Variants in ITGA9 observed in about 807,000 individuals in gnomAD.
ITGA9 encodes the protein integrin subunit alpha 9.
A neutral mutation model predicts 127.8 loss-of-function variants in ITGA9; 56 were observed. The ratio of observed to expected loss-of-function variants is 0.44; its 90% CI spans 0.35 to 0.55. ITGA9 has a LOEUF of 0.55. Among genes scored for constraint, ITGA9 ranks in the 20% least tolerant of loss-of-function variants. The probability of loss-of-function intolerance (pLI) is 0.00; values close to 1 mark genes in which losing one functional copy is unlikely to be tolerated. For synonymous variants in ITGA9, 508 were observed against 514.5 expected (o/e 0.99, Z 0.17); for missense variants, 1,196 against 1,347.1 (o/e 0.89, Z 1.76).
intron 18 of ITGA9, among the ~76,000 whole-genome samples, chr3:37,695,205 A>AGG (rs1700872160): frequency 6.6e-6 from 1 of 152,188 alleles, no homozygotes; most frequent in African/African-American, 2.4e-5. Flanking sequence ...CTTTCCACCC[A>AGG]GGGGTGAAGT....
intron 18 of ITGA9, among the ~76,000 whole-genome samples, chr3:37,698,261 A>T (rs1700907784): frequency 6.6e-6 from 1 of 152,132 alleles, no homozygotes. Flanking sequence ...GGTAGATTGC[A>T]AAAATTTTCT....
intron 5 of ITGA9, among the ~76,000 whole-genome samples, chr3:37,498,487 C>T (rs980387761): frequency 3.3e-5 from 5 of 152,148 alleles, no homozygotes; most frequent in African/African-American, 1.2e-4. Context: ...TAGGAGGAAC[C>T]GGCGGGGCAG....
At chr3:37,693,437 G>T (rs901344311) in intron 18 of ITGA9, among the ~76,000 whole-genome samples, 2 of 152,106 alleles carry the variant, frequency 1.3e-5, no homozygotes, top group East Asian at 3.9e-4. Flanking sequence ...AAGGCATCGA[G>T]GGCTTGTAAG....
chr3:37,585,791 AGG>A lies in ITGA9; in HGVS notation c.1689+43210_1689+43211del, dbSNP rs201960822. ...TATTTGGTTTTCTTAAGCAGGAAGAAGGGGGCCCCCCCAATTTTAATTTACTG... is the reference window on the plus strand; with the variant it reads ...TATTTGGTTTTCTTAAGCAGGAAGAAGGGCCCCCCCAATTTTAATTTACTG... On this transcript the variant is annotated intron_variant, in intron 15 of 27. Transcript: ENST00000264741. Among the ~76,000 whole-genome samples the A allele has an allele frequency of 7.9e-3, 971 of 122,486 alleles. 4 individuals carry two copies. The highest frequency in any genetic ancestry group is 0.011 in the African/African-American group (341 of 30,694). 80.4% of individuals were successfully genotyped at this position (122,486 alleles called of 152,430 possible).
intron 12 of ITGA9, among the ~76,000 whole-genome samples, chr3:37,524,441 T>C (rs374942849): frequency 2.6e-5 from 4 of 152,326 alleles, no homozygotes; most frequent in South Asian, 2.1e-4. Context: ...TTTGTACAGA[T>C]AGGAGTTTTG....
intron 18 of ITGA9, among the ~76,000 whole-genome samples, chr3:37,686,592 C>T (rs1700784528): frequency 1.3e-5 from 2 of 152,136 alleles, no homozygotes; most frequent in Admixed American, 6.5e-5. Context: ...GATCTCTTTG[C>T]CATTGAATTC....
At chr3:37,474,567 A>G (rs1698470864) in intron 3 of ITGA9, among the ~76,000 whole-genome samples, 2 of 152,234 alleles carry the variant, frequency 1.3e-5, no homozygotes, top group South Asian at 4.1e-4. Context: ...ACACTTATGC[A>G]TCCCCATTGC....
At chr3:37,523,680 G>C in intron 12 of ITGA9, 69 bp downstream of exon 12, 2 of 1,137,072 alleles carry the variant, frequency 1.8e-6, no homozygotes, top group Non-Finnish European at 2.7e-6. Context: ...ATAATTTTCA[G>C]TCTGGTTAGC....
intron 15 of ITGA9, among the ~76,000 whole-genome samples, chr3:37,566,130 T>C (rs1699544611): frequency 6.6e-6 from 1 of 152,210 alleles, no homozygotes; most frequent in South Asian, 2.1e-4. Context: ...TTTTAACTCA[T>C]AAAAAGTCAA....
At position 37,597,790 on chromosome 3, in the gene ITGA9, T is replaced by A. The variant is rs1017581184; in HGVS notation, c.1690-31397T>A. Among the ~76,000 whole-genome samples, 3 of 152,242 alleles carry A rather than the reference T, an allele frequency of 2.0e-5. No individual in the cohort carries two copies. Among genetic ancestry groups the A allele is most frequent in the Non-Finnish European group, 4.4e-5 (3 of 68,036 alleles). ...ATTAGCAGTGGCTTGGCTAGCTGGCTCTGCTGATTTGGGCAGGGCTTGTTC... is the reference window on the plus strand; with the variant it reads ...ATTAGCAGTGGCTTGGCTAGCTGGCACTGCTGATTTGGGCAGGGCTTGTTC... On this transcript the variant is annotated intron_variant, in intron 15 of 27. Coordinates refer to ENST00000264741, the MANE Select transcript of ITGA9 (RefSeq NM_002207.3). This position sits in a 1 kb window ranked among gnomAD's most constrained non-coding sequence, Gnocchi z 4.6.
intron 15 of ITGA9, among the ~76,000 whole-genome samples, chr3:37,622,564 C>T (rs981277924): frequency 4.6e-5 from 7 of 151,912 alleles, no homozygotes; most frequent in South Asian, 2.1e-4. Context: ...TATTAAAGGC[C>T]GGGCGCAGTG....
intron 15 of ITGA9, among the ~76,000 whole-genome samples, chr3:37,593,092 GT>G (rs2125616129): frequency 6.6e-6 from 1 of 152,278 alleles, no homozygotes; most frequent in Non-Finnish European, 1.5e-5. Flanking sequence ...AGGTACAGTT[GT>G]TTCTCAGTAT....
At chr3:37,742,351 G>A (rs2125533775) in intron 21 of ITGA9, among the ~76,000 whole-genome samples, 1 of 152,230 alleles carries the variant, frequency 6.6e-6, no homozygotes, top group Middle Eastern at 3.4e-3. Flanking sequence ...ATAATGGTCT[G>A]GAATGGGCAG....
intron 18 of ITGA9, among the ~76,000 whole-genome samples, chr3:37,714,739 G>A (rs1701116414): frequency 6.6e-6 from 1 of 152,222 alleles, no homozygotes; most frequent in African/African-American, 2.4e-5. Flanking sequence ...AAACTCTGGG[G>A]GTAGTCCCAG....
chr3:37,750,153 G>A (rs1436771164), intron 22 of ITGA9, among the ~76,000 whole-genome samples: 1 of 152,166 alleles, frequency 6.6e-6, no homozygotes, highest in East Asian at 1.9e-4. Context: ...CTCACCAAGT[G>A]TAATAGTCTA....
intron 3 of ITGA9, among the ~76,000 whole-genome samples, 167 bp from the exon 4 acceptor site, chr3:37,481,317 A>G (rs900279742): frequency 2.6e-5 from 4 of 152,084 alleles, no homozygotes; most frequent in Admixed American, 1.3e-4. Context: ...GTTCCTGTTC[A>G]TGCAGTTTTC....
At chr3:37,591,698 G>A (rs139442507) in intron 15 of ITGA9, among the ~76,000 whole-genome samples, 75 of 152,342 alleles carry the variant, frequency 4.9e-4, no homozygotes, top group African/African-American at 1.7e-3. Flanking sequence ...GAGCCTCACT[G>A]CTTGAGCCTT....
intron 23 of ITGA9, among the ~76,000 whole-genome samples, chr3:37,764,421 A>G (rs1037073135): frequency 1.3e-5 from 2 of 149,312 alleles, no homozygotes; most frequent in Non-Finnish European, 3.0e-5. Context: ...TTCTAGTCCT[A>G]ATAATTTATC....
At chr3:37,724,989 C>A (rs1277277355) in intron 18 of ITGA9, among the ~76,000 whole-genome samples, 2 of 152,054 alleles carry the variant, frequency 1.3e-5, no homozygotes, top group Admixed American at 1.3e-4. Context: ...CAGAATGTTG[C>A]CAACATTCTG....
Sources: allele counts gnomAD v4.1 joint callset (sites outside exome capture counted in the v4.1 genomes callset), GRCh38; gene constraint gnomAD v4.1.1; non-coding constraint Gnocchi (gnomAD v3.1); transcripts MANE v1.5; gene names NCBI Gene and HGNC (gene_info 2026-07-23, HGNC 2026-07-21).